CRTC3: variants seen among roughly 807,000 people sequenced by gnomAD.
CRTC3 encodes CREB regulated transcription coactivator 3.
Under a neutral mutation model 74.5 loss-of-function variants are expected in CRTC3, and 26 were observed. That is an observed-to-expected ratio of 0.35 (90% CI 0.26 to 0.48). CRTC3 has a LOEUF of 0.48. Ranked by LOEUF, CRTC3 falls within the 20% of genes least tolerant of loss-of-function variation. The pLI is 0.99. For synonymous variants in CRTC3, 377 were observed against 325.8 expected, an observed-to-expected ratio of 1.16 and a Z score of -1.69; for missense variants, 760 against 787.3, an observed-to-expected ratio of 0.97 and a Z score of 0.41.
chr15:90,533,593 A>G (rs1450262868), intron 1 of CRTC3, among the ~76,000 whole-genome samples: 1 of 152,066 alleles, frequency 6.6e-6, no homozygotes, highest in Non-Finnish European at 1.5e-5. Context: ...TCCTTTAAAG[A>G]TCTTACTGAT....
chr15:90,601,483 C>T (rs1269016379), intron 3 of CRTC3, among the ~76,000 whole-genome samples: 3 of 144,286 alleles, frequency 2.1e-5, no homozygotes, highest in Admixed American at 6.8e-5. Flanking sequence ...AACCCTGTCT[C>T]TAATTAAAAA....
intron 1 of CRTC3, among the ~76,000 whole-genome samples, chr15:90,535,583 A>G (rs188930141): frequency 6.5e-4 from 99 of 152,308 alleles, no homozygotes; most frequent in Non-Finnish European, 1.1e-3. Context: ...GAACCAGAGG[A>G]CTAACTCAGC....
intron 11 of CRTC3, among the ~76,000 whole-genome samples, chr15:90,630,697 A>G (rs1969004816): frequency 6.6e-6 from 1 of 151,758 alleles, no homozygotes; most frequent in African/African-American, 2.4e-5. Context: ...TCCTTATACC[A>G]TAATCATCGA....
At chr15:90,537,884 C>T (rs895521065) in intron 1 of CRTC3, among the ~76,000 whole-genome samples, 3 of 152,156 alleles carry the variant, frequency 2.0e-5, no homozygotes, top group Non-Finnish European at 2.9e-5. Context: ...CCAGGCTAGC[C>T]GTGTTCTTTT....
intron 2 of CRTC3, among the ~76,000 whole-genome samples, chr15:90,559,353 A>G (rs564498211): frequency 4.5e-4 from 69 of 152,320 alleles, no homozygotes; most frequent in Admixed American, 9.8e-4. Context: ...ACTTGCCCAA[A>G]AGGACCTGAG....
chr15:90,617,631 G>A (rs1272250845), intron 7 of CRTC3, among the ~76,000 whole-genome samples: 2 of 152,090 alleles, frequency 1.3e-5, no homozygotes, highest in East Asian at 3.9e-4. Flanking sequence ...TCAGGCTCAA[G>A]GAGACCTCCC....
At chr15:90,550,682 G>A (rs1176901424) in intron 2 of CRTC3, among the ~76,000 whole-genome samples, 3 of 151,604 alleles carry the variant, frequency 2.0e-5, no homozygotes, top group African/African-American at 4.9e-5. Flanking sequence ...GTCAGATCTC[G>A]AAACCTGCTT....
intron 1 of CRTC3, chr15:90,539,541 G>C (rs962417554): frequency 1.2e-5 from 2 of 162,362 alleles, no homozygotes; most frequent in African/African-American, 4.8e-5. Flanking sequence ...CAGAAGAACT[G>C]TTATATACCC....
rs966848133 is a variant in CRTC3 at position 90,598,649 on chromosome 15, AGTGATTG to A, written c.352-3672_352-3666del. 23 of 628,080 alleles carry A rather than the reference AGTGATTG, an allele frequency of 3.7e-5. No homozygotes were observed. The African/African-American group carries it at 4.0e-4, about 11-fold the overall frequency. 38.9% of individuals were successfully genotyped at this position (628,080 alleles called of 1,614,324 possible). A position where few individuals can be genotyped will look rare whatever the true frequency, so the allele number is the denominator to read the frequency against. On this transcript the variant is annotated intron_variant, in intron 3 of 14. Coordinates refer to ENST00000268184, the MANE Select transcript of CRTC3 (RefSeq NM_022769.5). Reference sequence around the variant, plus strand: ...AAGAAGAGGAACAGATTAAGGGGACAGTGATTGGTTGGATTTTTGGTAGAATTTGAGC... The same window carrying A: ...AAGAAGAGGAACAGATTAAGGGGACAGTTGGATTTTTGGTAGAATTTGAGC...
At chr15:90,632,362 G>A (rs148876373) in intron 11 of CRTC3, among the ~76,000 whole-genome samples, 3 of 152,088 alleles carry the variant, frequency 2.0e-5, no homozygotes, top group African/African-American at 4.8e-5. Flanking sequence ...TCAGGAGGCA[G>A]AGACTGGAGG....
At chr15:90,559,779 C>G (rs1434890761) in intron 2 of CRTC3, among the ~76,000 whole-genome samples, 1 of 152,192 alleles carries the variant, frequency 6.6e-6, no homozygotes, top group Non-Finnish European at 1.5e-5. Context: ...CGCATGCCAC[C>G]ACACTCGGCT....
At chr15:90,624,786 G>A (rs1968772011) in intron 9 of CRTC3, 1 of 152,350 alleles carries the variant, frequency 6.6e-6, no homozygotes, top group Non-Finnish European at 1.5e-5. Context: ...CCCTCCCTGG[G>A]GCCCCGCCCT....
rs1377002213 is a variant in CRTC3 at position 90,616,733 on chromosome 15, T to G, written c.614-1150T>G. Among the ~76,000 whole-genome samples the G allele has an allele frequency of 3.9e-5, 6 of 152,206 alleles. No individual in the cohort carries two copies. The East Asian group carries it at 1.2e-3, about 29-fold the overall frequency. On this transcript the variant is annotated intron_variant, in intron 7 of 14. Coordinates refer to ENST00000268184, the MANE Select transcript of CRTC3 (RefSeq NM_022769.5). ...ATTTACTTGTTCTGTGACCCAGCAT[T>G]CTTGTTTTACCTGGCACGACTGAGA...
At chr15:90,586,264 A>G (rs1008887601) in intron 2 of CRTC3, among the ~76,000 whole-genome samples, 1 of 151,056 alleles carries the variant, frequency 6.6e-6, no homozygotes, top group Non-Finnish European at 1.5e-5. Flanking sequence ...AGGTTGTGGT[A>G]TTCTGGATCA....
chr15:90,598,070 C>T (rs6496700), intron 3 of CRTC3: 185,744 of 197,258 alleles, frequency 0.94, 87,694 homozygotes, highest in Middle Eastern at 0.99. Flanking sequence ...AGACTCCGAG[C>T]CCACTTACCC....
At chr15:90,578,169 G>A (rs999177155) in intron 2 of CRTC3, among the ~76,000 whole-genome samples, 17 of 152,008 alleles carry the variant, frequency 1.1e-4, no homozygotes, top group African/African-American at 4.1e-4. Context: ...CACCTGCCTC[G>A]GCCTCCCAAA....
At chr15:90,633,617 G>A (rs544448244) in intron 11 of CRTC3, among the ~76,000 whole-genome samples, 1 of 152,144 alleles carries the variant, frequency 6.6e-6, no homozygotes, top group South Asian at 2.1e-4. Flanking sequence ...ATATTTGGTG[G>A]GTTCCTTCAA....
chr15:90,535,938 A>G (rs570992863), intron 1 of CRTC3, among the ~76,000 whole-genome samples: 1 of 152,322 alleles, frequency 6.6e-6, no homozygotes, highest in African/African-American at 2.4e-5. Context: ...GAATCTAGCT[A>G]TCACAGTGAA....
At chr15:90,599,352 G>A (rs1968011730) in intron 3 of CRTC3, 1 of 152,196 alleles carries the variant, frequency 6.6e-6, no homozygotes, top group South Asian at 2.1e-4. Context: ...CTGGCACCTG[G>A]CAGGGATGCC....
Sources: gnomAD v4.1 joint callset for allele counts (sites outside exome capture counted in the v4.1 genomes callset) on GRCh38, gnomAD v4.1.1 for gene constraint, MANE v1.5 for transcripts, NCBI Gene and HGNC (gene_info 2026-07-23, HGNC 2026-07-21) for gene names.